The following EIF3A variants were observed in gnomAD, a reference collection of about 807,000 sequenced individuals.
The protein encoded by EIF3A is EIF3, p180 subunit.
EIF3A carries 21 observed loss-of-function variants against 186.6 expected under a neutral mutation model. The observed-to-expected ratio is 0.11, with a 90% CI of 0.08 to 0.16. The LOEUF (loss-of-function observed/expected upper bound fraction) is 0.16. Ranked by LOEUF, EIF3A falls within the 10% of genes least tolerant of loss-of-function variation. The pLI is 1.00. For synonymous variants in EIF3A, 563 were observed against 584.3 expected (o/e 0.96, Z 0.52); for missense variants, 1,306 against 1,796.3 (o/e 0.73, Z 4.93).
rs1253841937 is a variant in EIF3A, at chr10:119,035,874, G to A, written c.*165C>T. The A allele has an allele frequency of 1.7e-6, 1 of 578,830 alleles. No individual in the cohort carries two copies. Among genetic ancestry groups the A allele is most frequent in the African/African-American group, 1.9e-5 (1 of 53,872 alleles). The allele number at this position is 578,830 out of a possible 1,614,324, so 35.9% of individuals were successfully genotyped here. On this transcript the variant is annotated 3_prime_UTR_variant, in exon 22 of 22. Coordinates refer to ENST00000369144, the MANE Select transcript of EIF3A (RefSeq NM_003750.4). The stretch of plus-strand genomic sequence containing the variant: ...TTTTCCAACCTCCTGTGGATATGGT[G>A]CATGATCAATCTATTATATAGGATT...
rs1848233836 is a variant in EIF3A at position 119,042,968 on chromosome 10, G to A, written c.2748-196C>T. Among the ~76,000 whole-genome samples the A allele has an allele frequency of 6.7e-6, 1 of 148,298 alleles. No individual in the cohort carries two copies. The highest frequency in any genetic ancestry group is 2.5e-5 in the African/African-American group (1 of 40,026). ...AGGAGTTCAAGACCAGCCTGGCCTGGCAAAACCCATCTCTACTTAATTGTA... is the reference window on the plus strand; with the variant it reads ...AGGAGTTCAAGACCAGCCTGGCCTGACAAAACCCATCTCTACTTAATTGTA... On this transcript the variant is annotated intron_variant, in intron 18 of 21. Transcript: ENST00000369144. This position sits in a 1 kb window ranked among gnomAD's most constrained non-coding sequence, Gnocchi z 7.8.
chr10:119,067,247 G>A (rs1843996178), intron 6 of EIF3A, among the ~76,000 whole-genome samples: 1 of 151,512 alleles, frequency 6.6e-6, no homozygotes, highest in African/African-American at 2.4e-5. Context: ...AATTACATAA[G>A]TGACAGTGGA....
chr10:119,042,762 G>A lies in EIF3A; in HGVS notation c.2758C>T (p.Arg920Cys), dbSNP rs780944947. The change falls in exon 19 of 22, where the codon CGT (arginine) becomes TGT (cysteine). Residue 920 changes from arginine to cysteine, a missense_variant. Physicochemically the swap from Arg to Cys is radical, Grantham distance 180. This residue lies in a region of EIF3A where 410 missense variants were observed against 473.5 expected (regional missense o/e 0.87). Transcript: ENST00000369144. The surrounding 1 kb of genome is among the most constrained non-coding windows in gnomAD (Gnocchi z 7.8). ...RRGPPEKEWR[R>C]GEGRDEDRSH... ...CTGTCCTCATCTCGCCCTTCTCCACGTCTCCACTCCCTACACAGCAACAAG... is the reference window on the plus strand; with the variant it reads ...CTGTCCTCATCTCGCCCTTCTCCACATCTCCACTCCCTACACAGCAACAAG... 9 of 1,602,700 alleles carry A rather than the reference G, an allele frequency of 5.6e-6. No individual in the cohort carries two copies. The highest frequency in any genetic ancestry group is 2.2e-5 in the East Asian group (1 of 44,642).
At chr10:119,052,756 G>A (rs1404369188) in intron 14 of EIF3A, among the ~76,000 whole-genome samples, 4 of 152,012 alleles carry the variant, frequency 2.6e-5, no homozygotes, top group Admixed American at 6.6e-5. Context: ...ACCCCTCCAA[G>A]TCATCCATGA....
At chr10:119,038,140 C>G in intron 20 of EIF3A, 98 bp downstream of exon 20, 1 of 1,061,440 alleles carries the variant, frequency 9.4e-7, no homozygotes, top group Non-Finnish European at 1.4e-6. Flanking sequence ...TGCTCTCGAA[C>G]TCCTGAACTC....
At chr10:119,077,264 A>C (rs1844191102) in intron 1 of EIF3A, among the ~76,000 whole-genome samples, 1 of 152,116 alleles carries the variant, frequency 6.6e-6, no homozygotes, top group African/African-American at 2.4e-5. Context: ...CAAGGGTTCA[A>C]GATCAGCCTG....
chr10:119,043,015 C>T (rs953102046), intron 18 of EIF3A, among the ~76,000 whole-genome samples: 12 of 151,632 alleles, frequency 7.9e-5, no homozygotes, highest in Non-Finnish European at 1.3e-4. Context: ...TGGGCACAGT[C>T]GCTCACACCT....
In EIF3A at chr10:119,073,505, T is replaced by C. The variant is rs892249524; in HGVS notation, c.313A>G (p.Lys105Glu). The C allele has an allele frequency of 6.2e-7, 1 of 1,606,934 alleles. No homozygotes were observed. The highest frequency in any genetic ancestry group is 1.7e-5 in the Admixed American group (1 of 60,016). ...KMAEEKTEAAKEESQQMVLDI... is the reference protein window; with the variant it reads ...KMAEEKTEAAEEESQQMVLDI... Reference sequence around the variant, plus strand: ...AAGACCATCTGCTGAGATTCTTCTTTAGCAGCTTCAGTTTTTTCCTCTGCC... The same window carrying C: ...AAGACCATCTGCTGAGATTCTTCTTCAGCAGCTTCAGTTTTTTCCTCTGCC... Residue 105 changes from lysine to glutamate, a missense_variant, in exon 3 of 22, where the codon AAA becomes GAA. This residue lies in a region of EIF3A where 130 missense variants were observed against 259.3 expected (regional missense o/e 0.50). Transcript: ENST00000369144.
chr10:119,069,664 G>A lies in EIF3A; in HGVS notation c.742-10C>T, dbSNP rs371071987. The A allele has an allele frequency of 6.9e-7, 1 of 1,450,204 alleles. No individual in the cohort carries two copies. The allele number at this position is 1,450,204 out of a possible 1,614,324, so 89.8% of individuals were successfully genotyped here. Reference sequence around the variant, plus strand: ...CAGCTTTGAATGCTTCCTAAAATTAGGAGTATAAATTAAAGTCATTGCATT... The same window carrying A: ...CAGCTTTGAATGCTTCCTAAAATTAAGAGTATAAATTAAAGTCATTGCATT... On this transcript the variant is annotated splice_polypyrimidine_tract_variant and intron_variant, in intron 5 of 21. Coordinates refer to ENST00000369144, the MANE Select transcript of EIF3A (RefSeq NM_003750.4).
chr10:119,064,421 A>AGG lies in EIF3A; in HGVS notation c.1122+977_1122+978insCC, dbSNP rs1411908781. Among the ~76,000 whole-genome samples, 5 of 152,184 alleles carry AGG rather than the reference A, an allele frequency of 3.3e-5. No homozygotes were observed. The East Asian group carries it at 9.7e-4, about 29-fold the overall frequency. The stretch of plus-strand genomic sequence containing the variant: ...TGGCCTGGTGGGAGGTGACTAAATC[A>AGG]TGGGGGCAATTTCTAATGATTTAGC... On this transcript the variant is annotated intron_variant, in intron 7 of 21. Coordinates refer to ENST00000369144, the MANE Select transcript of EIF3A (RefSeq NM_003750.4).
rs1269468931 is a variant in EIF3A, at chr10:119,056,862, C to T, written c.2083-9G>A. On this transcript the variant is annotated splice_polypyrimidine_tract_variant and intron_variant, in intron 13 of 21. Transcript: ENST00000369144. Reference sequence around the variant, plus strand: ...CTTTCAAAATAGTCAATCTGAATGACACGAAAACACACGTAGTTTTAAAAA... The same window carrying T: ...CTTTCAAAATAGTCAATCTGAATGATACGAAAACACACGTAGTTTTAAAAA... The T allele has an allele frequency of 1.3e-6, 2 of 1,599,608 alleles. No individual in the cohort carries two copies. The highest frequency in any genetic ancestry group is 1.3e-5 in the African/African-American group (1 of 74,692).
At chr10:119,077,686 C>G (rs894663624) in intron 1 of EIF3A, among the ~76,000 whole-genome samples, 1 of 151,720 alleles carries the variant, frequency 6.6e-6, no homozygotes, top group Non-Finnish European at 1.5e-5. Flanking sequence ...TCCTGAGTAG[C>G]TGGGACTACA....
At chr10:119,074,029 C>T (rs1844118245) in intron 1 of EIF3A, 92 bp from the exon 2 acceptor site, 1 of 1,084,644 alleles carries the variant, frequency 9.2e-7, no homozygotes. Context: ...TTCCCCAACT[C>T]ATTACCAACT....
chr10:119,072,042 A>AG (rs1554873048), intron 4 of EIF3A, among the ~76,000 whole-genome samples: 1 of 132,166 alleles, frequency 7.6e-6, no homozygotes, highest in Non-Finnish European at 1.6e-5. Flanking sequence ...AAAAAAAAAA[A>AG]AAAAGAAAGA....
chr10:119,071,232 T>C (rs1004323560), intron 4 of EIF3A, 147 bp from the exon 5 acceptor site: 2 of 654,796 alleles, frequency 3.1e-6, no homozygotes, highest in Non-Finnish European at 5.3e-6. Context: ...GAGAATCAAC[T>C]TATTTCATCC....
Position 119,075,711 on chromosome 10 carries a change from C to CTTTTTT in EIF3A, c.50-1780_50-1775dup, listed in dbSNP as rs58392465. Among the ~76,000 whole-genome samples the CTTTTTT allele has an allele frequency of 4.6e-4, 30 of 65,292 alleles. 1 individual carries two copies. The highest frequency in any genetic ancestry group is 9.8e-4 in the East Asian group (2 of 2,034). The allele number at this position is 65,292 out of a possible 152,430, so 42.8% of individuals were successfully genotyped here. A position where few individuals can be genotyped will look rare whatever the true frequency, so the allele number is the denominator to read the frequency against. The stretch of plus-strand genomic sequence containing the variant: ...ATTGTTTATTTTCCTTGGAAAAAGA[C>CTTTTTT]TTTTTTTTTTTTTTTTTTTTTGGAC... On this transcript the variant is annotated intron_variant, in intron 1 of 21. Coordinates refer to ENST00000369144, the MANE Select transcript of EIF3A (RefSeq NM_003750.4).
chr10:119,073,397 C>A, intron 3 of EIF3A, 44 bp downstream of exon 3: 1 of 1,429,804 alleles, frequency 7.0e-7, no homozygotes, highest in South Asian at 1.3e-5. Context: ...AAGAAAACAC[C>A]AAGTTAACTA....
At chr10:119,050,376 C>T in intron 16 of EIF3A, 145 bp downstream of exon 16, 2 of 760,404 alleles carry the variant, frequency 2.6e-6, no homozygotes, top group Non-Finnish European at 4.3e-6. Context: ...TCACATACAG[C>T]AAACTGGGTT....
Position 119,038,269 on chromosome 10 carries a change from C to T in EIF3A, c.3697G>A (p.Val1233Met). Reference sequence around the variant, plus strand: ...CTTCTGAAGCGATCCTCTCGATCCACATCTCTCTCTCTGTCCCTTTCTCTC... The same window carrying T: ...CTTCTGAAGCGATCCTCTCGATCCATATCTCTCTCTCTGTCCCTTTCTCTC... ...PERERDRERDVDREDRFRRPR... is the reference protein window; with the variant it reads ...PERERDRERDMDREDRFRRPR... The change falls in exon 20 of 22, where the codon GTG becomes ATG. Residue 1233 changes from valine (V) to methionine (M), a missense_variant. Physicochemically the swap from Val to Met is conservative, Grantham distance 21 (BLOSUM62 1). Around this residue, in one of 8 missense-constraint regions of EIF3A, gnomAD observed 331 missense variants for 365.8 expected, o/e 0.90. Transcript: ENST00000369144. 1 of 1,614,044 alleles carries T rather than the reference C, an allele frequency of 6.2e-7. No individual in the cohort carries two copies. Among genetic ancestry groups the T allele is most frequent in the Non-Finnish European group, 8.5e-7 (1 of 1,179,982 alleles).
Sources: allele counts gnomAD v4.1 joint callset (sites outside exome capture counted in the v4.1 genomes callset), GRCh38; gene constraint gnomAD v4.1.1; regional missense constraint gnomAD v4.1.1; non-coding constraint Gnocchi (gnomAD v3.1); transcripts MANE v1.5; gene names NCBI Gene and HGNC (gene_info 2026-07-23, HGNC 2026-07-21).